The following AAK1 variants were observed in gnomAD, a reference collection of about 807,000 sequenced individuals.
The protein encoded by AAK1 is AP2 associated kinase 1.
Under a neutral mutation model 116.0 loss-of-function variants are expected in AAK1, and 37 were observed. The observed-to-expected ratio is 0.32, with a 90% CI of 0.25 to 0.42. AAK1 has a LOEUF of 0.42. AAK1 is among the 10% of genes least tolerant of loss of function. AAK1 has a pLI of 1.00. For missense variants in AAK1, 919 were observed against 1,170.6 expected, an observed-to-expected ratio of 0.79 and a Z score of 3.14; for synonymous variants, 458 against 439.9, an observed-to-expected ratio of 1.04 and a Z score of -0.51.
At chr2:69,552,579 C>T (rs544962198) in intron 3 of AAK1, among the ~76,000 whole-genome samples, 25 of 152,092 alleles carry the variant, frequency 1.6e-4, no homozygotes, top group Non-Finnish European at 3.2e-4. Flanking sequence ...GGCATGGTGG[C>T]GCGTACCTGT....
At chr2:69,477,054 T>C in intron 20 of AAK1, 64 bp from the exon 21 acceptor site, 1 of 1,093,970 alleles carries the variant, frequency 9.1e-7, no homozygotes, top group Non-Finnish European at 1.4e-6. Context: ...AATGAGAGAA[T>C]GTGAAAGAGG....
chr2:69,639,115 T>C (rs1675582928), intron 2 of AAK1, among the ~76,000 whole-genome samples: 1 of 152,224 alleles, frequency 6.6e-6, no homozygotes, highest in African/African-American at 2.4e-5. Context: ...CTCATCAGCC[T>C]TGGACCTGGA....
chr2:69,592,494 T>C (rs1673077438), intron 2 of AAK1, among the ~76,000 whole-genome samples: 1 of 152,170 alleles, frequency 6.6e-6, no homozygotes, highest in Non-Finnish European at 1.5e-5. Flanking sequence ...AAAATAAAAC[T>C]GTAAAACTGC....
chr2:69,483,139 A>T (rs1246791997), intron 17 of AAK1, among the ~76,000 whole-genome samples: 2 of 152,218 alleles, frequency 1.3e-5, no homozygotes, highest in African/African-American at 4.8e-5. Context: ...GTCTGGACAA[A>T]TGTATACATT....
chr2:69,593,575 T>C (rs1053810599), intron 2 of AAK1, among the ~76,000 whole-genome samples: 4 of 152,074 alleles, frequency 2.6e-5, no homozygotes, highest in African/African-American at 9.7e-5. Context: ...AAGAGCTAAA[T>C]ACCATACTAA....
chr2:69,484,236 A>G (rs1371319986), intron 17 of AAK1, among the ~76,000 whole-genome samples: 1 of 152,254 alleles, frequency 6.6e-6, no homozygotes, highest in Non-Finnish European at 1.5e-5. Context: ...TGAGATAAGC[A>G]AGAAATAAAT....
In AAK1 at chr2:69,514,455, T is replaced by C. The variant is rs1279114090; in HGVS notation, c.1776+16A>G. On this transcript the variant is annotated intron_variant, in intron 13 of 21. Transcript: ENST00000409085. ...CCTCTGCTGCTTTTGTGCTCTGAGC[T>C]CTGGTTGATTCTTACCGCTGGCTCC... 3.3e-6 allele frequency: 5 copies of C among 1,524,330 alleles called. No individual in the cohort carries two copies. The South Asian group carries it at 6.3e-5, about 19-fold the overall frequency. 94.4% of individuals were successfully genotyped at this position (1,524,330 alleles called of 1,614,324 possible).
chr2:69,504,834 G>T (rs1363761671), intron 16 of AAK1, among the ~76,000 whole-genome samples: 1 of 152,146 alleles, frequency 6.6e-6, no homozygotes, highest in Non-Finnish European at 1.5e-5. Flanking sequence ...GATTCACAAA[G>T]ATATCTGTGA....
chr2:69,510,057 G>T (rs1271647770), intron 13 of AAK1, among the ~76,000 whole-genome samples: 1 of 152,100 alleles, frequency 6.6e-6, no homozygotes, highest in Non-Finnish European at 1.5e-5. Flanking sequence ...TTTTATTTTA[G>T]GTTCGGGGGT....
chr2:69,627,951 CACTT>C (rs1674983934), intron 2 of AAK1, among the ~76,000 whole-genome samples: 1 of 152,218 alleles, frequency 6.6e-6, no homozygotes, highest in Admixed American at 6.5e-5. Flanking sequence ...TCTACCCAGT[CACTT>C]AAGCCAGTAG....
intron 17 of AAK1, among the ~76,000 whole-genome samples, chr2:69,490,631 T>C (rs768426919): frequency 2.7e-5 from 4 of 150,658 alleles, no homozygotes; most frequent in African/African-American, 4.9e-5. Context: ...AGACAGAAAA[T>C]AGAGTGGTGG....
chr2:69,547,942 C>G (rs997009201), intron 3 of AAK1, among the ~76,000 whole-genome samples: 1 of 152,104 alleles, frequency 6.6e-6, no homozygotes, highest in African/African-American at 2.4e-5. Context: ...TGACATGTAT[C>G]AAGGACATGT....
Position 69,478,914 on chromosome 2 carries a change from A to C in AAK1, c.2680+37T>G, listed in dbSNP as rs775380191. On this transcript the variant is annotated intron_variant, in intron 20 of 21. Coordinates refer to ENST00000409085, the MANE Select transcript of AAK1 (RefSeq NM_014911.5). Reference sequence around the variant, plus strand: ...AAGTTGTTTAGTTCTTTCCCCTCTAAGGACACATGTGGGCCTGAGAAGAAG... The same window carrying C: ...AAGTTGTTTAGTTCTTTCCCCTCTACGGACACATGTGGGCCTGAGAAGAAG... 2 of 1,510,080 alleles carry C rather than the reference A, an allele frequency of 1.3e-6. 1 individual carries two copies. The highest frequency in any genetic ancestry group is 2.3e-5 in the South Asian group (2 of 88,708). The allele number at this position is 1,510,080 out of a possible 1,614,324, so 93.5% of individuals were successfully genotyped here.
At chr2:69,481,947 A>T (rs41285955) in intron 18 of AAK1, 25,121 of 152,192 alleles carry the variant, frequency 0.17, 2,246 homozygotes, top group African/African-American at 0.2. Flanking sequence ...CTGGTAGCAC[A>T]GGTGTGCACC....
At chr2:69,587,425 A>AGTG (rs1672833883) in intron 2 of AAK1, among the ~76,000 whole-genome samples, 1 of 150,842 alleles carries the variant, frequency 6.6e-6, no homozygotes, top group African/African-American at 2.4e-5. Context: ...ATATATACAC[A>AGTG]TATATATACA....
intron 10 of AAK1, 84 bp from the exon 11 acceptor site, chr2:69,521,072 C>T (rs1396142362): frequency 1.4e-6 from 2 of 1,441,044 alleles, no homozygotes; most frequent in African/African-American, 2.8e-5. Flanking sequence ...CTTCCGCTTC[C>T]ACATCGACCC....
At chr2:69,509,132 T>A (rs1572906963) in intron 14 of AAK1, 99 bp downstream of exon 14, 5 of 948,746 alleles carry the variant, frequency 5.3e-6, no homozygotes, top group Non-Finnish European at 6.6e-6. Context: ...GTATTTGCAT[T>A]ACACACATCT....
intron 2 of AAK1, among the ~76,000 whole-genome samples, chr2:69,578,140 GA>G (rs1254110225): frequency 6.6e-6 from 1 of 152,186 alleles, no homozygotes; most frequent in Non-Finnish European, 1.5e-5. Flanking sequence ...TAGATGAAGT[GA>G]AAAATGGTTA....
chr2:69,567,965 G>A (rs952858195), intron 2 of AAK1, among the ~76,000 whole-genome samples: 3 of 152,196 alleles, frequency 2.0e-5, no homozygotes, highest in African/African-American at 4.8e-5. Context: ...AAGGAATGGA[G>A]AGCCTCTTGG....
Sources: gnomAD v4.1 joint callset for allele counts (sites outside exome capture counted in the v4.1 genomes callset) on GRCh38, gnomAD v4.1.1 for gene constraint, MANE v1.5 for transcripts, NCBI Gene and HGNC (gene_info 2026-07-23, HGNC 2026-07-21) for gene names.